IKZF2: variants seen among roughly 807,000 people sequenced by gnomAD.
IKZF2 encodes IKAROS family zinc finger 2.
A neutral mutation model predicts 49.2 loss-of-function variants in IKZF2; 15 were observed. The observed-to-expected ratio is 0.30, with a 90% CI of 0.20 to 0.47. The LOEUF is 0.47. IKZF2 is among the 20% of genes least tolerant of loss of function. The probability of loss-of-function intolerance (pLI) is 1.00; values close to 1 mark genes in which losing one functional copy is unlikely to be tolerated. For synonymous variants in IKZF2, 227 were observed against 221.4 expected (o/e 1.03, Z -0.23); for missense variants, 567 against 664.6 (o/e 0.85, Z 1.61).
chr2:213,053,345 G>A (rs1266581366), intron 5 of IKZF2, among the ~76,000 whole-genome samples: 2 of 151,672 alleles, frequency 1.3e-5, no homozygotes, highest in Non-Finnish European at 2.9e-5. Context: ...TTATTGACTG[G>A]GTGAGATTAT....
chr2:213,080,130 A>G (rs1383718405), intron 4 of IKZF2, among the ~76,000 whole-genome samples: 5 of 151,216 alleles, frequency 3.3e-5, no homozygotes, highest in Non-Finnish European at 7.4e-5. Flanking sequence ...AAAAGAGATA[A>G]GCCTGAGCTT....
At chr2:213,012,475 T>C (rs1204022442) in intron 8 of IKZF2, among the ~76,000 whole-genome samples, 1 of 152,004 alleles carries the variant, frequency 6.6e-6, no homozygotes, top group Admixed American at 6.6e-5. Context: ...AAAAAATCAA[T>C]ATTAAAAATA....
At chr2:213,078,986 CT>C (rs1285233111) in intron 4 of IKZF2, among the ~76,000 whole-genome samples, 1 of 152,192 alleles carries the variant, frequency 6.6e-6, no homozygotes, top group Non-Finnish European at 1.5e-5. Context: ...GACGTTAAAT[CT>C]ATTGAAAAAT....
intron 4 of IKZF2, among the ~76,000 whole-genome samples, chr2:213,136,119 C>T (rs1284996020): frequency 6.7e-6 from 1 of 149,670 alleles, no homozygotes; most frequent in Admixed American, 6.7e-5. Flanking sequence ...GCCTGTAATC[C>T]AGCACTTTGG....
chr2:213,123,917 G>A (rs938346738), intron 4 of IKZF2, among the ~76,000 whole-genome samples: 10 of 137,702 alleles, frequency 7.3e-5, no homozygotes, highest in African/African-American at 1.4e-4. Context: ...TAAAACTTGT[G>A]AGATATTTAG....
chr2:213,080,747 T>C (rs1169770553), intron 4 of IKZF2, among the ~76,000 whole-genome samples: 1 of 152,120 alleles, frequency 6.6e-6, no homozygotes, highest in Non-Finnish European at 1.5e-5. Context: ...GGGCTAGCCA[T>C]GGCAAGAAAT....
intron 4 of IKZF2, among the ~76,000 whole-genome samples, chr2:213,108,742 A>G (rs1383904007): frequency 6.6e-6 from 1 of 152,168 alleles, no homozygotes; most frequent in Non-Finnish European, 1.5e-5. Flanking sequence ...ATACATAAAC[A>G]TAAAAAAGCA....
chr2:213,052,715 G>A (rs1308461973), intron 5 of IKZF2, among the ~76,000 whole-genome samples: 2 of 151,952 alleles, frequency 1.3e-5, no homozygotes, highest in Non-Finnish European at 2.9e-5. Flanking sequence ...TCCAAATATA[G>A]AAGTAATATC....
chr2:213,147,737 T>G lies in IKZF2; in HGVS notation c.110A>C (p.Gln37Pro). ...TGTCATGTGACTTGGTGAGGCATGCTGTCCATTGGGTGTGCTTGAGGTGAG... is the reference window on the plus strand; with the variant it reads ...TGTCATGTGACTTGGTGAGGCATGCGGTCCATTGGGTGTGCTTGAGGTGAG... Reference protein sequence around the residue: ...IDLTSSTPNGQHASPSHMTST... With the variant: ...IDLTSSTPNGPHASPSHMTST... Residue 37 changes from glutamine to proline, a missense_variant, in exon 4 of 9, where the codon CAG becomes CCG. Physicochemically the swap from Gln to Pro is moderately conservative, Grantham distance 76. Coordinates refer to ENST00000434687, the MANE Select transcript of IKZF2 (RefSeq NM_001387220.1). The G allele has an allele frequency of 6.2e-7, 1 of 1,614,000 alleles. No homozygotes were observed. The highest frequency in any genetic ancestry group is 8.5e-7 in the Non-Finnish European group (1 of 1,179,834).
chr2:213,072,194 C>A (rs1190374374), intron 4 of IKZF2, among the ~76,000 whole-genome samples: 3 of 151,894 alleles, frequency 2.0e-5, no homozygotes, highest in African/African-American at 7.2e-5. Flanking sequence ...TTTTCTCTTC[C>A]CAATCAAATC....
intron 6 of IKZF2, among the ~76,000 whole-genome samples, chr2:213,028,522 T>C (rs951156461): frequency 2.0e-5 from 3 of 152,166 alleles, no homozygotes; most frequent in South Asian, 2.1e-4. Context: ...TCTGCATTTA[T>C]TGAAGTCTTT....
chr2:213,136,434 GA>G (rs1171592223), intron 4 of IKZF2, among the ~76,000 whole-genome samples: 2 of 136,604 alleles, frequency 1.5e-5, no homozygotes, highest in African/African-American at 5.1e-5. Flanking sequence ...AAAAGAAAAA[GA>G]AAATACCTTA....
intron 4 of IKZF2, among the ~76,000 whole-genome samples, chr2:213,066,475 C>A (rs1026772505): frequency 1.3e-5 from 2 of 152,120 alleles, no homozygotes; most frequent in African/African-American, 4.8e-5. Context: ...TACAAAAGTT[C>A]TTTCCCTGCT....
intron 4 of IKZF2, among the ~76,000 whole-genome samples, chr2:213,120,316 A>C (rs1321555111): frequency 6.6e-6 from 1 of 152,260 alleles, no homozygotes; most frequent in East Asian, 1.9e-4. Flanking sequence ...ATAACTAAAA[A>C]TTCAAATAAG....
At chr2:213,125,558 C>T (rs574129233) in intron 4 of IKZF2, among the ~76,000 whole-genome samples, 3 of 152,260 alleles carry the variant, frequency 2.0e-5, no homozygotes, top group African/African-American at 7.2e-5. Flanking sequence ...AATTGTTATA[C>T]TTTCCAAAGA....
At chr2:213,124,262 A>ATG (rs2060174525) in intron 4 of IKZF2, among the ~76,000 whole-genome samples, 2 of 92,304 alleles carry the variant, frequency 2.2e-5, no homozygotes, top group South Asian at 3.4e-4. Context: ...GCACACACAC[A>ATG]CACACACACA....
Position 213,052,912 on chromosome 2 carries a change from A to G in IKZF2, c.407-3032T>C, listed in dbSNP as rs574667036. Among the ~76,000 whole-genome samples, 3 of 152,260 alleles carry G rather than the reference A, an allele frequency of 2.0e-5. No homozygotes were observed. The East Asian group carries it at 5.8e-4, about 29-fold the overall frequency. The stretch of plus-strand genomic sequence containing the variant: ...AGTTAACTATCTTTTCTCTATGCAA[A>G]TGGTACATATGCAAAAACTCCATAC... On this transcript the variant is annotated intron_variant, in intron 5 of 8. Transcript: ENST00000434687.
chr2:213,039,445 T>C (rs1699396149), intron 6 of IKZF2, among the ~76,000 whole-genome samples: 1 of 152,102 alleles, frequency 6.6e-6, no homozygotes, highest in South Asian at 2.1e-4. Flanking sequence ...GTCCAGTTCC[T>C]TTTTATGGAA....
chr2:213,072,697 G>A (rs1454790497), intron 4 of IKZF2, among the ~76,000 whole-genome samples: 1 of 152,048 alleles, frequency 6.6e-6, no homozygotes, highest in Admixed American at 6.6e-5. Context: ...ACCTTATCAA[G>A]CCTTGCATAT....
Sources: allele counts gnomAD v4.1 joint callset (sites outside exome capture counted in the v4.1 genomes callset), GRCh38; gene constraint gnomAD v4.1.1; transcripts MANE v1.5; gene names NCBI Gene and HGNC (gene_info 2026-07-23, HGNC 2026-07-21).